Variants in DCC observed in about 807,000 individuals in gnomAD.
DCC encodes netrin receptor DCC.
Under a neutral mutation model 172.5 loss-of-function variants are expected in DCC, and 58 were observed. That is an observed-to-expected ratio of 0.34 (90% CI 0.27 to 0.42). The LOEUF (loss-of-function observed/expected upper bound fraction) is 0.42. DCC is among the 10% of genes least tolerant of loss of function. DCC has a pLI of 1.00. For synonymous variants in DCC, 709 were observed against 644.5 expected (o/e 1.10, Z -1.52); for missense variants, 1,740 against 1,791.0 (o/e 0.97, Z 0.51).
intron 2 of DCC, among the ~76,000 whole-genome samples, chr18:52,764,392 T>C (rs1305599142): frequency 6.6e-6 from 1 of 152,210 alleles, no homozygotes; most frequent in East Asian, 1.9e-4. Flanking sequence ...CCTCCAAACC[T>C]CGTGTTGAAA....
At chr18:52,742,856 C>A (rs1437581432) in intron 1 of DCC, among the ~76,000 whole-genome samples, 1 of 151,992 alleles carries the variant, frequency 6.6e-6, no homozygotes, top group African/African-American at 2.4e-5. Context: ...TAACAAGTAT[C>A]AAATTTGAAT....
At chr18:53,056,925 G>A (rs2042413041) in intron 5 of DCC, among the ~76,000 whole-genome samples, 2 of 151,976 alleles carry the variant, frequency 1.3e-5, no homozygotes, top group African/African-American at 4.8e-5. Flanking sequence ...ATTTCAAAGA[G>A]CTGTGGTAAT....
At chr18:53,041,994 A>G (rs150411188) in intron 5 of DCC, among the ~76,000 whole-genome samples, 3 of 151,864 alleles carry the variant, frequency 2.0e-5, no homozygotes, top group South Asian at 4.1e-4. Context: ...TATACCCTTT[A>G]TTTCTTTTTC....
intron 1 of DCC, among the ~76,000 whole-genome samples, chr18:52,722,556 T>G (rs1254296177): frequency 6.6e-6 from 1 of 152,240 alleles, no homozygotes; most frequent in Non-Finnish European, 1.5e-5. Context: ...GTGCTTTGTT[T>G]TCATAGCTTT....
At chr18:52,896,998 G>A (rs751287737) in intron 2 of DCC, among the ~76,000 whole-genome samples, 1 of 152,184 alleles carries the variant, frequency 6.6e-6, no homozygotes, top group Non-Finnish European at 1.5e-5. Context: ...TACTAAGAAG[G>A]ATGATTCCGG....
rs535934957 is a variant in DCC at position 52,664,383 on chromosome 18, T to C, written c.92-87671T>C. Among the ~76,000 whole-genome samples, 43 of 152,034 alleles carry C rather than the reference T, an allele frequency of 2.8e-4. No individual in the cohort carries two copies. The South Asian group carries it at 7.5e-3, about 26-fold the overall frequency. ...TACATTTTTTTAAAACTCAAGCAAA[T>C]CTGGGAAACGGCATATTTTAAATTA... is the stretch of plus-strand genomic sequence containing the variant. On this transcript the variant is annotated intron_variant, in intron 1 of 28. Transcript: ENST00000442544.
At chr18:53,431,424 T>C (rs1224397966) in intron 21 of DCC, among the ~76,000 whole-genome samples, 4 of 152,096 alleles carry the variant, frequency 2.6e-5, no homozygotes, top group Non-Finnish European at 4.4e-5. Context: ...AATACAGAAT[T>C]CTTCTTTATA....
At chr18:53,007,366 C>T (rs1368675067) in intron 5 of DCC, among the ~76,000 whole-genome samples, 1 of 152,046 alleles carries the variant, frequency 6.6e-6, no homozygotes, top group Non-Finnish European at 1.5e-5. Context: ...AATTAGTTTC[C>T]TTTGAAATGC....
chr18:53,373,942 G>A (rs2058085473), intron 15 of DCC, among the ~76,000 whole-genome samples: 2 of 152,196 alleles, frequency 1.3e-5, no homozygotes, highest in Non-Finnish European at 2.9e-5. Context: ...CATAGTATGT[G>A]TATGTACTGA....
chr18:53,243,595 T>G (rs1375428365), intron 12 of DCC, among the ~76,000 whole-genome samples: 1 of 152,122 alleles, frequency 6.6e-6, no homozygotes, highest in Admixed American at 6.6e-5. Flanking sequence ...CTCAGAGTGC[T>G]CTCTGGGAAG....
At chr18:52,428,750 T>A (rs1204933699) in intron 1 of DCC, among the ~76,000 whole-genome samples, 1 of 152,044 alleles carries the variant, frequency 6.6e-6, no homozygotes, top group African/African-American at 2.4e-5. Flanking sequence ...CTGAAATAAA[T>A]CACCAGACAA....
At chr18:52,576,990 T>A (rs1305768732) in intron 1 of DCC, among the ~76,000 whole-genome samples, 1 of 152,248 alleles carries the variant, frequency 6.6e-6, no homozygotes, top group Non-Finnish European at 1.5e-5. Flanking sequence ...TATTCCATTT[T>A]ATGAACATAT....
At position 52,721,830 on chromosome 18, in the gene DCC, G is replaced by A. The variant is rs186473191; in HGVS notation, c.92-30224G>A. On this transcript the variant is annotated intron_variant, in intron 1 of 28. Coordinates refer to ENST00000442544, the MANE Select transcript of DCC (RefSeq NM_005215.4). ...ACCAGAGGTTGGGAGTTCCAGACCA[G>A]CCTGGCCAACATGGTGAAAACCTAT... Among the ~76,000 whole-genome samples, 38 of 152,238 alleles carry A rather than the reference G, an allele frequency of 2.5e-4. No individual in the cohort carries two copies. The East Asian group carries it at 7.4e-3, about 29-fold the overall frequency.
At chr18:53,357,824 C>T (rs2057894140) in intron 15 of DCC, among the ~76,000 whole-genome samples, 1 of 152,168 alleles carries the variant, frequency 6.6e-6, no homozygotes, top group African/African-American at 2.4e-5. Context: ...GCATTTCAGA[C>T]TGCGGGATCA....
chr18:53,272,644 A>G (rs1555743399), intron 12 of DCC, among the ~76,000 whole-genome samples: 2 of 152,142 alleles, frequency 1.3e-5, no homozygotes, highest in Non-Finnish European at 2.9e-5. Flanking sequence ...TTCAGTAATT[A>G]TTTGTTGAGT....
chr18:53,041,636 C>T (rs569741681), intron 5 of DCC, among the ~76,000 whole-genome samples: 1 of 152,198 alleles, frequency 6.6e-6, no homozygotes, highest in South Asian at 2.1e-4. Context: ...TTGAGTCTTT[C>T]TATCCATGAG....
intron 7 of DCC, among the ~76,000 whole-genome samples, chr18:53,120,361 GT>G: frequency 6.6e-6 from 1 of 151,318 alleles, no homozygotes; most frequent in South Asian, 2.1e-4. Context: ...TTTGGCATAG[GT>G]TTTTTTCATA....
At chr18:53,469,711 A>G (rs2045671646) in intron 25 of DCC, among the ~76,000 whole-genome samples, 1 of 152,084 alleles carries the variant, frequency 6.6e-6, no homozygotes, top group Middle Eastern at 3.2e-3. Context: ...ATATTCTGTC[A>G]TAACTCCTGT....
intron 5 of DCC, among the ~76,000 whole-genome samples, chr18:53,044,371 G>T (rs2042208963): frequency 6.6e-6 from 1 of 151,966 alleles, no homozygotes; most frequent in African/African-American, 2.4e-5. Flanking sequence ...ATTTTTAAAT[G>T]TAGTTTGGTA....
Sources: gnomAD v4.1 joint callset for allele counts (sites outside exome capture counted in the v4.1 genomes callset) on GRCh38, gnomAD v4.1.1 for gene constraint, MANE v1.5 for transcripts, NCBI Gene and HGNC (gene_info 2026-07-23, HGNC 2026-07-21) for gene names.